DGKB: variants seen among roughly 807,000 people sequenced by gnomAD.
DGKB encodes the protein diacylglycerol kinase beta.
Under a neutral mutation model 114.3 loss-of-function variants are expected in DGKB, and 67 were observed. The ratio of observed to expected loss-of-function variants is 0.59; its 90% confidence interval spans 0.48 to 0.72. The LOEUF (loss-of-function observed/expected upper bound fraction) is 0.72, where lower values mean the gene tolerates loss of function less well. DGKB is among the 30% of genes least tolerant of loss of function. DGKB has a pLI of 0.00. For synonymous variants in DGKB, 398 were observed against 323.1 expected (o/e 1.23, Z -2.49); for missense variants, 907 against 975.2 (o/e 0.93, Z 0.93).
At chr7:14,496,540 A>G (rs977258525) in intron 20 of DGKB, among the ~76,000 whole-genome samples, 4 of 151,720 alleles carry the variant, frequency 2.6e-5, no homozygotes, top group African/African-American at 9.7e-5. Context: ...CAGAATATTT[A>G]TTGAGCACCT....
At chr7:14,300,124 G>A (rs569991879) in intron 23 of DGKB, among the ~76,000 whole-genome samples, 10 of 152,082 alleles carry the variant, frequency 6.6e-5, no homozygotes, top group South Asian at 2.1e-4. Context: ...AAGAGCTCCC[G>A]TGTAGTTTCC....
intron 20 of DGKB, among the ~76,000 whole-genome samples, chr7:14,530,856 CA>C (rs1382646899): frequency 6.6e-6 from 1 of 151,518 alleles, no homozygotes; most frequent in Non-Finnish European, 1.5e-5. Context: ...TGAATGAATA[CA>C]AACTTTATTT....
At chr7:14,776,554 G>C (rs1221327694) in intron 2 of DGKB, among the ~76,000 whole-genome samples, 1 of 152,220 alleles carries the variant, frequency 6.6e-6, no homozygotes, top group Non-Finnish European at 1.5e-5. Context: ...GTATGACTCG[G>C]GCCTTGGCTT....
intron 20 of DGKB, among the ~76,000 whole-genome samples, chr7:14,525,007 T>C (rs1790418468): frequency 6.6e-6 from 1 of 152,146 alleles, no homozygotes; most frequent in Non-Finnish European, 1.5e-5. Flanking sequence ...CTGTTGATCA[T>C]GATTGAAGCT....
intron 13 of DGKB, among the ~76,000 whole-genome samples, chr7:14,651,529 C>G (rs1814491830): frequency 1.4e-5 from 2 of 145,698 alleles, no homozygotes; most frequent in African/African-American, 5.0e-5. Context: ...ATGACAAACC[C>G]ACAGCCAATA....
At chr7:14,729,281 T>TA (rs1301294041) in intron 5 of DGKB, among the ~76,000 whole-genome samples, 3 of 148,820 alleles carry the variant, frequency 2.0e-5, no homozygotes, top group Admixed American at 6.6e-5. Flanking sequence ...TGCCACCACA[T>TA]CCGGCTAATT....
At chr7:14,407,461 CT>C (rs1824128083) in intron 21 of DGKB, among the ~76,000 whole-genome samples, 1 of 151,930 alleles carries the variant, frequency 6.6e-6, no homozygotes, top group Non-Finnish European at 1.5e-5. Context: ...GGATTTCAGT[CT>C]TTTCTATGTG....
At chr7:14,292,628 T>G (rs553471585) in intron 23 of DGKB, among the ~76,000 whole-genome samples, 1 of 152,316 alleles carries the variant, frequency 6.6e-6, no homozygotes, top group Non-Finnish European at 1.5e-5. Flanking sequence ...GACCACATTT[T>G]ATTAAATGGC....
intron 23 of DGKB, among the ~76,000 whole-genome samples, chr7:14,255,762 C>T (rs1383988741): frequency 6.6e-6 from 1 of 151,156 alleles, no homozygotes; most frequent in East Asian, 1.9e-4. Flanking sequence ...CTCCTCTTCT[C>T]CGTGCAGCTA....
At chr7:14,444,074 T>C (rs1413975204) in intron 21 of DGKB, among the ~76,000 whole-genome samples, 1 of 151,908 alleles carries the variant, frequency 6.6e-6, no homozygotes, top group East Asian at 1.9e-4. Flanking sequence ...AATATTCATA[T>C]TTTACATTTA....
intron 1 of DGKB, among the ~76,000 whole-genome samples, chr7:14,928,796 T>A (rs1444964894): frequency 6.6e-6 from 1 of 151,802 alleles, no homozygotes; most frequent in Non-Finnish European, 1.5e-5. Flanking sequence ...ATTGTACCGA[T>A]TAAGTAATTT....
At chr7:14,617,043 GAT>G (rs1369823970) in intron 15 of DGKB, among the ~76,000 whole-genome samples, 1 of 151,664 alleles carries the variant, frequency 6.6e-6, no homozygotes, top group African/African-American at 2.4e-5. Context: ...TAAAGAGCAT[GAT>G]TTTAGAGTTA....
intron 13 of DGKB, among the ~76,000 whole-genome samples, chr7:14,665,246 T>TA (rs1321862045): frequency 6.6e-6 from 1 of 151,972 alleles, no homozygotes; most frequent in Non-Finnish European, 1.5e-5. Context: ...TGGATGGAGC[T>TA]AAAGGCCATT....
chr7:14,218,387 T>C (rs374808745), intron 23 of DGKB, among the ~76,000 whole-genome samples: 9 of 152,106 alleles, frequency 5.9e-5, no homozygotes, highest in African/African-American at 2.2e-4. Flanking sequence ...ACTGAAACCA[T>C]CTTGCAAAAG....
At chr7:14,566,876 A>C (rs971981322) in intron 20 of DGKB, among the ~76,000 whole-genome samples, 1 of 151,578 alleles carries the variant, frequency 6.6e-6, no homozygotes, top group African/African-American at 2.4e-5. Context: ...TCTCTTCTTA[A>C]ATGCATCCTC....
intron 5 of DGKB, among the ~76,000 whole-genome samples, chr7:14,734,349 C>A (rs1164993881): frequency 6.6e-6 from 1 of 152,004 alleles, no homozygotes; most frequent in Admixed American, 6.6e-5. Context: ...TCTATACCAA[C>A]AATTCTATAT....
chr7:14,660,704 T>G (rs945382401), intron 13 of DGKB, among the ~76,000 whole-genome samples: 7 of 152,110 alleles, frequency 4.6e-5, no homozygotes, highest in Admixed American at 1.3e-4. Context: ...AAAAAACTAC[T>G]TTAAAGTTCA....
intron 21 of DGKB, among the ~76,000 whole-genome samples, chr7:14,350,260 G>A (rs753430292): frequency 2.0e-5 from 3 of 152,032 alleles, no homozygotes; most frequent in Non-Finnish European, 2.9e-5. Context: ...TTAATATTCA[G>A]TTCTTCAAGT....
At chr7:14,334,140 A>G (rs561851415) in intron 23 of DGKB, among the ~76,000 whole-genome samples, 2 of 152,172 alleles carry the variant, frequency 1.3e-5, no homozygotes, top group Admixed American at 6.5e-5. Context: ...ACTGATTGCC[A>G]TATGTTGTTT....
Sources: allele counts gnomAD v4.1 joint callset (sites outside exome capture counted in the v4.1 genomes callset), GRCh38; gene constraint gnomAD v4.1.1; transcripts MANE v1.5; gene names NCBI Gene and HGNC (gene_info 2026-07-23, HGNC 2026-07-21).